Variants in ARHGAP28 observed in about 807,000 individuals in gnomAD.
ARHGAP28 encodes Rho GTPase activating protein 28, also known as rho GTPase-activating protein 28.
ARHGAP28 carries 56 observed loss-of-function variants against 90.7 expected under a neutral mutation model. The ratio of observed to expected loss-of-function variants is 0.62; its 90% CI spans 0.50 to 0.77. ARHGAP28 has a LOEUF of 0.77. ARHGAP28 is among the 30% of genes least tolerant of loss of function. ARHGAP28 has a pLI of 0.00. For missense variants in ARHGAP28, 869 were observed against 900.9 expected, an observed-to-expected ratio of 0.96 and a Z score of 0.45; for synonymous variants, 308 against 323.3, an observed-to-expected ratio of 0.95 and a Z score of 0.51.
At chr18:6,818,063 C>T (rs555304618) in intron 1 of ARHGAP28, among the ~76,000 whole-genome samples, 8 of 152,302 alleles carry the variant, frequency 5.3e-5, no homozygotes, top group Admixed American at 1.3e-4. Context: ...CACTAACACA[C>T]GGGTTGACTA....
chr18:6,755,976 G>A (rs755439856), intron 1 of ARHGAP28, among the ~76,000 whole-genome samples: 17 of 152,088 alleles, frequency 1.1e-4, no homozygotes, highest in Non-Finnish European at 2.1e-4. Flanking sequence ...AATCAACTCC[G>A]TTAGCTTTGA....
At chr18:6,777,275 T>C (rs2056291409) in intron 1 of ARHGAP28, among the ~76,000 whole-genome samples, 1 of 152,054 alleles carries the variant, frequency 6.6e-6, no homozygotes, top group Admixed American at 6.5e-5. Context: ...TAGTAAAAAA[T>C]GACAAGTGTG....
In ARHGAP28 at chr18:6,791,848, G is replaced by T. The variant is rs564909834; in HGVS notation, c.123-32914G>T. ...TTTTTTTAATTTGTGGGTTTTTTTT[G>T]TTTGTTTGTTTGTTTGTTTTTTGAG... is the stretch of plus-strand genomic sequence containing the variant. On this transcript the variant is annotated intron_variant, in intron 1 of 17. Transcript: ENST00000383472. 3.2e-3 allele frequency among the ~76,000 whole-genome samples: 463 copies of T among 146,190 alleles called. 1 individual carries two copies. The highest frequency in any genetic ancestry group is 8.4e-3 in the African/African-American group (332 of 39,656).
intron 5 of ARHGAP28, among the ~76,000 whole-genome samples, chr18:6,861,503 G>T (rs2056998298): frequency 6.6e-6 from 1 of 152,124 alleles, no homozygotes; most frequent in Non-Finnish European, 1.5e-5. Context: ...TAGTTAACCT[G>T]GAAGCTCCTG....
intron 3 of ARHGAP28, among the ~76,000 whole-genome samples, chr18:6,841,191 CTCTCTCTCTCTCCTCTCCT>C (rs2056817930): frequency 1.2e-4 from 8 of 65,952 alleles, no homozygotes; most frequent in East Asian, 8.7e-4. Flanking sequence ...CTCTCTCTCT[CTCTCTCTCTCTCCTCTCCT>C]CTCTCTCTCT....
Position 6,870,613 on chromosome 18 carries a change from A to T in ARHGAP28, c.835A>T (p.Ile279Phe), listed in dbSNP as rs2057076115. 5 of 1,612,106 alleles carry T rather than the reference A, an allele frequency of 3.1e-6. No homozygotes were observed. The highest frequency in any genetic ancestry group is 1.7e-5 in the Admixed American group (1 of 59,532). The part of the protein sequence containing the change: ...ISDDDFLEKN[I>F]PPEAEELSFE... The stretch of plus-strand genomic sequence containing the variant: ...AGATGATGATTTTCTGGAAAAGAAC[A>T]TTCCACCAGAGGCTGAAGAGCTGTC... The change falls in exon 7 of 18, where the codon ATT becomes TTT. Residue 279 changes from isoleucine (I) to phenylalanine (F), a missense_variant. Coordinates refer to ENST00000383472, the MANE Select transcript of ARHGAP28 (RefSeq NM_001366230.1).
chr18:6,885,745 A>G (rs2057215188), intron 11 of ARHGAP28, among the ~76,000 whole-genome samples: 1 of 152,082 alleles, frequency 6.6e-6, no homozygotes, highest in African/African-American at 2.4e-5. Flanking sequence ...AAGTTAATGG[A>G]AACACAGTGG....
At chr18:6,890,333 C>T (rs1318545389) in intron 13 of ARHGAP28, 97 bp from the exon 14 acceptor site, 18 of 809,022 alleles carry the variant, frequency 2.2e-5, no homozygotes, top group Non-Finnish European at 2.8e-5. Context: ...TCCAGGATAC[C>T]GAGTGACTGG....
Position 6,862,333 on chromosome 18 carries a change from A to G in ARHGAP28, c.726+2436A>G, listed in dbSNP as rs138954485. Among the ~76,000 whole-genome samples, 556 of 152,264 alleles carry G rather than the reference A, an allele frequency of 3.7e-3. 4 individuals carry two copies. The highest frequency in any genetic ancestry group is 0.012 in the African/African-American group (510 of 41,550). On this transcript the variant is annotated intron_variant, in intron 5 of 17. Transcript: ENST00000383472. ...AAAATAAACCTCTCCTGCCAGGCTA[A>G]ATTCCCGGGGCCAACTTACTGTCAC...
chr18:6,862,723 A>C (rs1049282793), intron 5 of ARHGAP28, among the ~76,000 whole-genome samples: 1 of 152,206 alleles, frequency 6.6e-6, no homozygotes, highest in African/African-American at 2.4e-5. Context: ...TAAGAATTTC[A>C]TTGAATTTAA....
At chr18:6,747,076 T>C (rs964014230) in intron 1 of ARHGAP28, among the ~76,000 whole-genome samples, 7 of 151,598 alleles carry the variant, frequency 4.6e-5, no homozygotes, top group Non-Finnish European at 8.8e-5. Context: ...ATTTTCTTTT[T>C]TTTTTTTTTT....
intron 1 of ARHGAP28, among the ~76,000 whole-genome samples, chr18:6,746,197 T>TGA (rs2056021825): frequency 6.6e-6 from 1 of 152,168 alleles, no homozygotes; most frequent in Non-Finnish European, 1.5e-5. Flanking sequence ...CCTCTAATAG[T>TGA]GAGACTCCAG....
In ARHGAP28 at chr18:6,870,749, A is replaced by T. The variant is rs1303186506; in HGVS notation, c.954+17A>T. ...GTTTTAACTGTAAGCAAAACCTTTC[A>T]TGATTATTCCAGGAACTTCCTGTGA... is the stretch of plus-strand genomic sequence containing the variant. On this transcript the variant is annotated intron_variant, in intron 7 of 17. Transcript: ENST00000383472. 1.9e-6 allele frequency: 3 copies of T among 1,582,266 alleles called. No homozygotes were observed. The highest frequency in any genetic ancestry group is 2.6e-6 in the Non-Finnish European group (3 of 1,170,558).
intron 3 of ARHGAP28, 84 bp downstream of exon 3, chr18:6,837,498 CAG>C: frequency 1.0e-6 from 1 of 1,001,660 alleles, no homozygotes; most frequent in East Asian, 2.5e-5. Flanking sequence ...GAAAAAATAT[CAG>C]AAATGTCTGC....
At position 6,873,755 on chromosome 18, in the gene ARHGAP28, G is replaced by T. The variant is rs376774777; in HGVS notation, c.1192G>T (p.Val398Phe). ...GDRKKDPGVK[V>F]PLVLQKFFEK... ...CCGAAAGAAAGACCCTGGAGTGAAA[G>T]TTCCCCTGGTATTACAAAAAGTGAG... is the stretch of plus-strand genomic sequence containing the variant. Residue 398 changes from valine to phenylalanine, a missense_variant, in exon 9 of 18, where the codon GTT becomes TTT. Transcript: ENST00000383472. The T allele has an allele frequency of 5.0e-6, 8 of 1,613,756 alleles. No individual in the cohort carries two copies. The highest frequency in any genetic ancestry group is 2.7e-5 in the African/African-American group (2 of 74,862).
chr18:6,833,657 G>A (rs931848255), intron 2 of ARHGAP28, among the ~76,000 whole-genome samples: 3 of 152,058 alleles, frequency 2.0e-5, no homozygotes, highest in African/African-American at 7.2e-5. Context: ...CATCCTGTCA[G>A]GTGGCTCATA....
chr18:6,865,326 A>T (rs939465491), intron 5 of ARHGAP28, among the ~76,000 whole-genome samples: 1 of 152,222 alleles, frequency 6.6e-6, no homozygotes, highest in African/African-American at 2.4e-5. Context: ...CTTTAAATTC[A>T]TGTTGAATAG....
At chr18:6,876,689 T>G (rs1472195755) in intron 10 of ARHGAP28, among the ~76,000 whole-genome samples, 2 of 152,228 alleles carry the variant, frequency 1.3e-5, no homozygotes, top group African/African-American at 2.4e-5. Context: ...CTCCCTTTAG[T>G]GAAAGCTCTT....
At chr18:6,746,552 A>G (rs2056024946) in intron 1 of ARHGAP28, among the ~76,000 whole-genome samples, 1 of 152,244 alleles carries the variant, frequency 6.6e-6, no homozygotes, top group Non-Finnish European at 1.5e-5. Context: ...AGCAAAATAC[A>G]GAGAATTAGT....
Sources: allele counts gnomAD v4.1 joint callset (sites outside exome capture counted in the v4.1 genomes callset), GRCh38; gene constraint gnomAD v4.1.1; transcripts MANE v1.5; gene names NCBI Gene and HGNC (gene_info 2026-07-23, HGNC 2026-07-21).